ICA1: variants seen among roughly 807,000 people sequenced by gnomAD.
ICA1 encodes 69 kDa islet cell autoantigen.
ICA1 carries 40 observed loss-of-function variants against 71.0 expected under a neutral mutation model. The ratio of observed to expected loss-of-function variants is 0.56; its 90% CI spans 0.44 to 0.73. ICA1 has a LOEUF of 0.73. Ranked by LOEUF, ICA1 falls within the 30% of genes least tolerant of loss-of-function variation. ICA1 has a pLI of 0.00. For synonymous variants in ICA1, 207 were observed against 209.5 expected (o/e 0.99, Z 0.10); for missense variants, 578 against 576.5 (o/e 1.00, Z -0.03).
At chr7:8,203,271 A>G (rs1459145685) in intron 6 of ICA1, among the ~76,000 whole-genome samples, 1 of 152,212 alleles carries the variant, frequency 6.6e-6, no homozygotes. Context: ...GCCTTAATAT[A>G]GTAGAGTTCC....
At chr7:8,185,172 CTT>C (rs1783523566) in intron 6 of ICA1, among the ~76,000 whole-genome samples, 1 of 151,608 alleles carries the variant, frequency 6.6e-6, no homozygotes. Flanking sequence ...CAAATTCAAA[CTT>C]AAACAATATT....
intron 5 of ICA1, chr7:8,218,877 G>A (rs1796191149): frequency 2.9e-6 from 1 of 342,874 alleles, no homozygotes; most frequent in Non-Finnish European, 5.6e-6. Context: ...CCTTTGAGGA[G>A]GAATGGAGCG....
intron 6 of ICA1, among the ~76,000 whole-genome samples, chr7:8,197,710 A>C (rs1248676273): frequency 1.3e-5 from 2 of 151,922 alleles, no homozygotes; most frequent in African/African-American, 4.8e-5. Context: ...GGCACAAACG[A>C]GAACAAAGAA....
intron 6 of ICA1, among the ~76,000 whole-genome samples, chr7:8,207,626 T>C (rs1792067681): frequency 6.6e-6 from 1 of 152,180 alleles, no homozygotes; most frequent in South Asian, 2.1e-4. Context: ...CGAAGACACT[T>C]TTTGAGGTAA....
At chr7:8,157,305 G>A (rs1214962656) in intron 7 of ICA1, 91 bp from the exon 8 acceptor site, 2 of 1,217,024 alleles carry the variant, frequency 1.6e-6, no homozygotes, top group Non-Finnish European at 2.3e-6. Context: ...TAGCTTTGAA[G>A]ATTCTTTAAA....
At chr7:8,177,172 G>C (rs1416951656) in intron 6 of ICA1, among the ~76,000 whole-genome samples, 1 of 152,070 alleles carries the variant, frequency 6.6e-6, no homozygotes, top group Non-Finnish European at 1.5e-5. Context: ...TATGATCACA[G>C]AGAAAAAGGT....
intron 13 of ICA1, among the ~76,000 whole-genome samples, chr7:8,121,846 T>G (rs1305102179): frequency 6.6e-6 from 1 of 152,220 alleles, no homozygotes; most frequent in Non-Finnish European, 1.5e-5. Context: ...ATTGCACGCC[T>G]GTATCAAAAT....
At chr7:8,198,946 T>A (rs546610105) in intron 6 of ICA1, among the ~76,000 whole-genome samples, 1 of 152,326 alleles carries the variant, frequency 6.6e-6, no homozygotes, top group East Asian at 1.9e-4. Flanking sequence ...AAGATTTGAA[T>A]AGACATTTCT....
At chr7:8,118,408 T>G (rs1584132026) in intron 13 of ICA1, among the ~76,000 whole-genome samples, 1 of 152,248 alleles carries the variant, frequency 6.6e-6, no homozygotes, top group South Asian at 2.1e-4. Flanking sequence ...GTTCTAACAC[T>G]GGACTGTGGT....
chr7:8,230,711 TA>T (rs1398745201), intron 3 of ICA1, among the ~76,000 whole-genome samples: 5 of 152,246 alleles, frequency 3.3e-5, no homozygotes, highest in Non-Finnish European at 7.3e-5. Flanking sequence ...TATATGCTTA[TA>T]ATAATTTACA....
rs562733383 is a variant in ICA1, at chr7:8,222,613, T to C, written c.257-1215A>G. 2.0e-5 allele frequency among the ~76,000 whole-genome samples: 3 copies of C among 152,300 alleles called. No individual in the cohort carries two copies. Among genetic ancestry groups the C allele is most frequent in the East Asian group, 3.9e-4 (2 of 5,186 alleles). The stretch of plus-strand genomic sequence containing the variant: ...AAGGCTAAACTCGATACTGCTACCT[T>C]ATTAATTTGTGACTATAGTTTCACC... On this transcript the variant is annotated intron_variant, in intron 4 of 13. Coordinates refer to ENST00000402384, the MANE Select transcript of ICA1 (RefSeq NM_001136020.3). This position sits in a 1 kb window ranked among gnomAD's most constrained non-coding sequence, Gnocchi z 4.8.
intron 6 of ICA1, among the ~76,000 whole-genome samples, chr7:8,172,288 A>G (rs1167061201): frequency 6.6e-6 from 1 of 152,032 alleles, no homozygotes; most frequent in East Asian, 1.9e-4. Flanking sequence ...TGGGATTGTT[A>G]TATCCTTTTT....
chr7:8,151,325 T>A lies in ICA1; in HGVS notation c.804+5791A>T, dbSNP rs79526144. Among the ~76,000 whole-genome samples the A allele has an allele frequency of 9.4e-3, 1,425 of 152,330 alleles. 15 individuals are homozygous for A. Among genetic ancestry groups the A allele is most frequent in the African/African-American group, 0.033 (1,371 of 41,572 alleles). On this transcript the variant is annotated intron_variant, in intron 8 of 13. Transcript: ENST00000402384. ...CTGGGAGAACCAATGCCAGTCGCCATCAGGCGTGGATGAACAAATGACAAG... is the reference window on the plus strand; with the variant it reads ...CTGGGAGAACCAATGCCAGTCGCCAACAGGCGTGGATGAACAAATGACAAG...
chr7:8,253,855 G>A (rs752478944), intron 1 of ICA1, among the ~76,000 whole-genome samples: 4 of 152,174 alleles, frequency 2.6e-5, no homozygotes, highest in African/African-American at 7.2e-5. Context: ...CGTATGAATG[G>A]TTAATAATAA....
intron 8 of ICA1, among the ~76,000 whole-genome samples, chr7:8,147,537 C>T (rs1797447619): frequency 1.3e-5 from 2 of 152,050 alleles, no homozygotes; most frequent in Non-Finnish European, 1.5e-5. Flanking sequence ...AATGGATGTA[C>T]ATAAGGTTAC....
intron 8 of ICA1, among the ~76,000 whole-genome samples, chr7:8,145,768 G>GTATA (rs1562650859): frequency 1.5e-4 from 10 of 67,094 alleles, no homozygotes; most frequent in Admixed American, 2.9e-4. Context: ...ATATATATAT[G>GTATA]TATATAAAAT....
At chr7:8,194,708 T>C (rs1585095285) in intron 6 of ICA1, among the ~76,000 whole-genome samples, 1 of 152,310 alleles carries the variant, frequency 6.6e-6, no homozygotes, top group African/African-American at 2.4e-5. Context: ...AACCTAAAAG[T>C]CTAATGTTAG....
intron 6 of ICA1, among the ~76,000 whole-genome samples, chr7:8,196,159 A>C (rs1787493082): frequency 6.6e-6 from 1 of 152,232 alleles, no homozygotes; most frequent in Non-Finnish European, 1.5e-5. Flanking sequence ...CCAGACAATG[A>C]AATATTATTT....
intron 1 of ICA1, among the ~76,000 whole-genome samples, chr7:8,257,886 C>G (rs1810772937): frequency 2.6e-5 from 4 of 152,168 alleles, no homozygotes; most frequent in Admixed American, 2.6e-4. Flanking sequence ...ACACTGGGCT[C>G]CAGACACGAG....
Sources: gnomAD v4.1 joint callset for allele counts (sites outside exome capture counted in the v4.1 genomes callset) on GRCh38, gnomAD v4.1.1 for gene constraint, Gnocchi (gnomAD v3.1) non-coding constraint, MANE v1.5 for transcripts, NCBI Gene and HGNC (gene_info 2026-07-23, HGNC 2026-07-21) for gene names.